The following TMEM178B variants were observed in gnomAD, a reference collection of about 807,000 sequenced individuals.
The protein encoded by TMEM178B is transmembrane protein 178B.
Under a neutral mutation model 31.0 loss-of-function variants are expected in TMEM178B, and 5 were observed. The ratio of observed to expected loss-of-function variants is 0.16; its 90% CI spans 0.08 to 0.34. The LOEUF (loss-of-function observed/expected upper bound fraction) is 0.34, where lower values mean the gene tolerates loss of function less well. TMEM178B is among the 10% of genes least tolerant of loss of function. TMEM178B has a pLI of 1.00. For synonymous variants in TMEM178B, 164 were observed against 164.0 expected, an observed-to-expected ratio of 1.00 and a Z score of 0.00; for missense variants, 275 against 400.3, an observed-to-expected ratio of 0.69 and a Z score of 2.67.
At chr7:141,226,265 G>A (rs1399894641) in intron 2 of TMEM178B, among the ~76,000 whole-genome samples, 1 of 152,136 alleles carries the variant, frequency 6.6e-6, no homozygotes, top group Admixed American at 6.5e-5. Flanking sequence ...TCAGGTGGTT[G>A]TTCATGAGTG....
chr7:141,206,656 T>G (rs1586825491), intron 1 of TMEM178B, among the ~76,000 whole-genome samples: 3 of 152,320 alleles, frequency 2.0e-5, no homozygotes, highest in African/African-American at 7.2e-5. Context: ...AGCTTGCTCC[T>G]CTGCCCCTCC....
chr7:141,505,723 C>T, the TMEM178B span, among the ~76,000 whole-genome samples: 2 of 152,338 alleles, frequency 1.3e-5, no homozygotes, highest in South Asian at 4.1e-4. Flanking sequence ...GCTGCTATTT[C>T]TGGCCCTGAT....
rs1049700020 is a variant in TMEM178B, at chr7:141,399,698, C to T, written c.497-37910C>T. On this transcript the variant is annotated intron_variant, in intron 2 of 3. Coordinates refer to ENST00000565468, the MANE Select transcript of TMEM178B (RefSeq NM_001195278.2). ...GATGGTTTATGGGCATCATTTTGTT[C>T]GCCTTCGTTGTTTGCACCTTAAACT... Among the ~76,000 whole-genome samples, 5 of 152,284 alleles carry T rather than the reference C, an allele frequency of 3.3e-5. No homozygotes were observed. The South Asian group carries it at 8.3e-4, about 25-fold the overall frequency.
chr7:141,241,116 A>G (rs1000135166), intron 2 of TMEM178B, among the ~76,000 whole-genome samples: 1 of 148,956 alleles, frequency 6.7e-6, no homozygotes, highest in African/African-American at 2.5e-5. Flanking sequence ...CCGTCACCCG[A>G]GTAGTGTACA....
chr7:141,235,354 C>G (rs1323281609), intron 2 of TMEM178B, among the ~76,000 whole-genome samples: 1 of 152,190 alleles, frequency 6.6e-6, no homozygotes, highest in East Asian at 1.9e-4. Context: ...AATCACAATT[C>G]TAATTCCTTT....
chr7:141,294,741 T>C (rs1798602334), intron 2 of TMEM178B, among the ~76,000 whole-genome samples: 1 of 152,040 alleles, frequency 6.6e-6, no homozygotes, highest in Non-Finnish European at 1.5e-5. Flanking sequence ...TGAGAGAATA[T>C]AGAGAAGAGA....
intron 2 of TMEM178B, among the ~76,000 whole-genome samples, chr7:141,394,243 C>T (rs1191208627): frequency 6.6e-6 from 1 of 152,212 alleles, no homozygotes; most frequent in Non-Finnish European, 1.5e-5. Flanking sequence ...GCTTCTTCAC[C>T]CCCGCCTGTT....
chr7:141,350,466 A>G (rs1246552483), intron 2 of TMEM178B, among the ~76,000 whole-genome samples: 1 of 152,140 alleles, frequency 6.6e-6, no homozygotes, highest in Non-Finnish European at 1.5e-5. Flanking sequence ...CCTAGTATGG[A>G]GAAGATAATT....
At chr7:141,273,083 AT>A (rs1798211095) in intron 2 of TMEM178B, among the ~76,000 whole-genome samples, 1 of 152,258 alleles carries the variant, frequency 6.6e-6, no homozygotes, top group Non-Finnish European at 1.5e-5. Context: ...AACAACATGT[AT>A]AAACGTGGAG....
At chr7:141,229,125 G>GTGTGTGTC (rs1554465476) in intron 2 of TMEM178B, among the ~76,000 whole-genome samples, 17 of 147,360 alleles carry the variant, frequency 1.2e-4, no homozygotes, top group Non-Finnish European at 2.4e-4. Flanking sequence ...GTGTGTGTGT[G>GTGTGTGTC]TGTGTGAAAC....
the TMEM178B span, among the ~76,000 whole-genome samples, chr7:141,494,093 G>T: frequency 6.6e-6 from 1 of 152,136 alleles, no homozygotes; most frequent in African/African-American, 2.4e-5. Context: ...GTATCTGTGA[G>T]ATTAAAACAA....
At chr7:141,457,962 G>A (rs1444815482) in intron 3 of TMEM178B, among the ~76,000 whole-genome samples, 1 of 152,182 alleles carries the variant, frequency 6.6e-6, no homozygotes, top group Non-Finnish European at 1.5e-5. Context: ...TATAAGAACA[G>A]AAAGAAAAAT....
chr7:141,409,053 A>G (rs1007857697), intron 2 of TMEM178B, among the ~76,000 whole-genome samples: 16 of 152,224 alleles, frequency 1.1e-4, no homozygotes, highest in African/African-American at 3.4e-4. Context: ...CTTGCATATC[A>G]GAAGAGCTGG....
intron 1 of TMEM178B, among the ~76,000 whole-genome samples, chr7:141,122,095 G>A (rs1432593661): frequency 2.6e-5 from 4 of 152,022 alleles, no homozygotes; most frequent in African/African-American, 9.7e-5. Flanking sequence ...GTTATTATTA[G>A]AAATAAATGA....
At chr7:141,258,121 G>T (rs959547109) in intron 2 of TMEM178B, among the ~76,000 whole-genome samples, 9 of 150,698 alleles carry the variant, frequency 6.0e-5, no homozygotes, top group African/African-American at 2.2e-4. Context: ...TGCTCCAATA[G>T]AACTTTATTT....
At chr7:141,433,149 A>G (rs1801469171) in intron 2 of TMEM178B, among the ~76,000 whole-genome samples, 1 of 152,184 alleles carries the variant, frequency 6.6e-6, no homozygotes. Flanking sequence ...TCCAAACCTA[A>G]GGACTGTGTT....
intron 2 of TMEM178B, among the ~76,000 whole-genome samples, chr7:141,312,074 C>T (rs1798919605): frequency 6.6e-6 from 1 of 152,232 alleles, no homozygotes; most frequent in Non-Finnish European, 1.5e-5. Flanking sequence ...TCTGTAAGAC[C>T]TCCTGGGTGG....
chr7:141,214,826 T>G (rs1294528891), intron 2 of TMEM178B, among the ~76,000 whole-genome samples: 1 of 152,128 alleles, frequency 6.6e-6, no homozygotes, highest in African/African-American at 2.4e-5. Flanking sequence ...AGATCTATTT[T>G]TAACTGATAA....
chr7:141,261,556 C>A (rs1385897789), intron 2 of TMEM178B, among the ~76,000 whole-genome samples: 1 of 152,116 alleles, frequency 6.6e-6, no homozygotes, highest in East Asian at 1.9e-4. Flanking sequence ...GGTTTCAGAG[C>A]TAACAAAGCA....
Sources: gnomAD v4.1 joint callset for allele counts (sites outside exome capture counted in the v4.1 genomes callset) on GRCh38, gnomAD v4.1.1 for gene constraint, MANE v1.5 for transcripts, NCBI Gene and HGNC (gene_info 2026-07-23, HGNC 2026-07-21) for gene names.